Variants in CHD9 observed in about 807,000 individuals in gnomAD.
CHD9 encodes chromodomain helicase DNA binding protein 9, also known as ATP-dependent chromatin remodeler CHD9.
In CHD9, 77 loss-of-function variants were observed where a neutral mutation model predicts 316.1. That is an observed-to-expected ratio of 0.24 (90% CI 0.20 to 0.29). The LOEUF (loss-of-function observed/expected upper bound fraction) is 0.29, where lower values mean the gene tolerates loss of function less well. Ranked by LOEUF, CHD9 falls within the 10% of genes least tolerant of loss-of-function variation. The probability of loss-of-function intolerance (pLI) is 1.00; values close to 1 mark genes in which losing one functional copy is unlikely to be tolerated. For missense variants in CHD9, 2,763 were observed against 3,438.1 expected, an observed-to-expected ratio of 0.80 and a Z score of 4.91; for synonymous variants, 1,129 against 1,158.3, an observed-to-expected ratio of 0.97 and a Z score of 0.51.
intron 24 of CHD9, among the ~76,000 whole-genome samples, chr16:53,285,098 C>G (rs1643505357): frequency 6.6e-6 from 1 of 152,074 alleles, no homozygotes; most frequent in South Asian, 2.1e-4. Context: ...AATTATGAAT[C>G]AAAAATTTGC....
At chr16:53,208,386 CT>C in intron 2 of CHD9, 1 of 1,276,656 alleles carries the variant, frequency 7.8e-7, no homozygotes, top group South Asian at 1.3e-5. Context: ...AGGAGGGGTT[CT>C]TTGGGCTAAA....
chr16:53,150,386 A>G (rs1418991895), intron 1 of CHD9, among the ~76,000 whole-genome samples: 2 of 152,164 alleles, frequency 1.3e-5, no homozygotes, highest in Non-Finnish European at 1.5e-5. Flanking sequence ...GCTCCTAAAC[A>G]TCTGTCTCTT....
chr16:53,105,134 C>T (rs539371825), intron 1 of CHD9, among the ~76,000 whole-genome samples: 29 of 152,244 alleles, frequency 1.9e-4, no homozygotes, highest in East Asian at 1.4e-3. Context: ...TGAGTCACCA[C>T]GCGCAGCCTC....
intron 1 of CHD9, among the ~76,000 whole-genome samples, chr16:53,109,964 G>C (rs1268459401): frequency 6.6e-6 from 1 of 152,244 alleles, no homozygotes; most frequent in Admixed American, 6.5e-5. Flanking sequence ...GATTACAGGC[G>C]TGAGCCACTG....
intron 1 of CHD9, among the ~76,000 whole-genome samples, chr16:53,128,331 C>G (rs866973857): frequency 5.3e-5 from 8 of 152,106 alleles, no homozygotes; most frequent in Non-Finnish European, 1.2e-4. Context: ...TACAGGCATG[C>G]GCCACCTAGC....
chr16:53,247,726 T>C, intron 16 of CHD9: 1 of 400,646 alleles, frequency 2.5e-6, no homozygotes. Context: ...TAAGAAAAGC[T>C]TGCAAATAAA....
chr16:53,141,004 T>G (rs115473333), intron 1 of CHD9, among the ~76,000 whole-genome samples: 73 of 152,352 alleles, frequency 4.8e-4, no homozygotes, highest in African/African-American at 1.7e-3. Context: ...GAGTGCCATT[T>G]AGCTTTGTCC....
intron 2 of CHD9, among the ~76,000 whole-genome samples, chr16:53,181,406 G>A (rs1389331915): frequency 6.6e-6 from 1 of 152,010 alleles, no homozygotes; most frequent in East Asian, 1.9e-4. Flanking sequence ...TTGAGGAACC[G>A]CAATTACTAT....
At chr16:53,241,625 G>C (rs1473210061) in intron 12 of CHD9, among the ~76,000 whole-genome samples, 1 of 152,156 alleles carries the variant, frequency 6.6e-6, no homozygotes, top group Non-Finnish European at 1.5e-5. Context: ...AGTTGTTCAA[G>C]CTAAAATTTT....
chr16:53,318,635 C>T (rs560088908), intron 37 of CHD9, among the ~76,000 whole-genome samples: 2 of 152,290 alleles, frequency 1.3e-5, no homozygotes, highest in South Asian at 4.1e-4. Flanking sequence ...TCATTCTCAT[C>T]GGGGTGATTT....
intron 3 of CHD9, among the ~76,000 whole-genome samples, chr16:53,215,993 T>C (rs940832170): frequency 6.6e-6 from 1 of 152,240 alleles, no homozygotes; most frequent in African/African-American, 2.4e-5. Flanking sequence ...TTTCCTTGCC[T>C]GAGTATCTGT....
intron 17 of CHD9, chr16:53,250,773 TTTA>T (rs1567560786): frequency 6.6e-6 from 1 of 152,004 alleles, no homozygotes; most frequent in Non-Finnish European, 1.5e-5. Context: ...GAGAAATTAT[TTTA>T]TTATTCATCA....
chr16:53,300,224 G>C (rs972045413), intron 30 of CHD9, among the ~76,000 whole-genome samples: 1 of 152,018 alleles, frequency 6.6e-6, no homozygotes. Context: ...GTAGTGGCAC[G>C]CACCTGTAAT....
chr16:53,125,494 C>T (rs1040917530), intron 1 of CHD9, among the ~76,000 whole-genome samples: 1 of 152,136 alleles, frequency 6.6e-6, no homozygotes, highest in Non-Finnish European at 1.5e-5. Flanking sequence ...CCTCGGCCTT[C>T]CAAAGTGCCA....
intron 27 of CHD9, among the ~76,000 whole-genome samples, chr16:53,291,434 A>C (rs2054322243): frequency 6.6e-6 from 1 of 152,194 alleles, no homozygotes; most frequent in African/African-American, 2.4e-5. Flanking sequence ...CCTAGGGCAT[A>C]CCCATAGTTA....
At chr16:53,244,893 A>G (rs1010924028) in intron 13 of CHD9, among the ~76,000 whole-genome samples, 4 of 151,998 alleles carry the variant, frequency 2.6e-5, no homozygotes, top group African/African-American at 9.7e-5. Flanking sequence ...CTTTGGGCTT[A>G]CTTGAGGCCT....
intron 1 of CHD9, among the ~76,000 whole-genome samples, chr16:53,144,872 G>C (rs1238967501): frequency 6.6e-6 from 1 of 151,612 alleles, no homozygotes; most frequent in Non-Finnish European, 1.5e-5. Flanking sequence ...CATGCTTTTA[G>C]TCTCAGCTAC....
Position 53,146,419 on chromosome 16 carries a change from G to GTATGTATATATATATATATA in CHD9, c.-164-9504_-164-9503insGTATATATATATATATATAT, listed in dbSNP as rs59577921. ...AAAAAAAAATTGTGTGTGTGTGTAT[G>GTATGTATATATATATATATA]TATATATATATATATATAATTAAAA... is the stretch of plus-strand genomic sequence containing the variant. On this transcript the variant is annotated intron_variant, in intron 1 of 38. Coordinates refer to ENST00000447540, the MANE Select transcript of CHD9 (RefSeq NM_001308319.2). Among the ~76,000 whole-genome samples the GTATGTATATATATATATATA allele has an allele frequency of 7.8e-4, 60 of 76,696 alleles. 5 individuals are homozygous for GTATGTATATATATATATATA. Among genetic ancestry groups the GTATGTATATATATATATATA allele is most frequent in the East Asian group, 2.4e-3 (7 of 2,866 alleles). 50.3% of individuals were successfully genotyped at this position (76,696 alleles called of 152,430 possible). A position where few individuals can be genotyped will look rare whatever the true frequency, so the allele number is the denominator to read the frequency against.
intron 2 of CHD9, among the ~76,000 whole-genome samples, chr16:53,172,190 T>G (rs1183676594): frequency 1.3e-5 from 2 of 152,158 alleles, no homozygotes; most frequent in African/African-American, 4.8e-5. Context: ...TAATTCTTCC[T>G]TCCATCTCCT....
Sources: gnomAD v4.1 joint callset for allele counts (sites outside exome capture counted in the v4.1 genomes callset) on GRCh38, gnomAD v4.1.1 for gene constraint, MANE v1.5 for transcripts, NCBI Gene and HGNC (gene_info 2026-07-23, HGNC 2026-07-21) for gene names.